TPTE: variants seen among roughly 807,000 people sequenced by gnomAD.
The protein encoded by TPTE is putative tyrosine-protein phosphatase TPTE.
In TPTE, 59 loss-of-function variants were observed where a neutral mutation model predicts 84.1. The observed-to-expected ratio is 0.70, with a 90% CI of 0.57 to 0.87. The LOEUF is 0.87. Among genes scored for constraint, TPTE ranks in the 40% least tolerant of loss-of-function variants. The probability of loss-of-function intolerance (pLI) is 0.00; values close to 1 mark genes in which losing one functional copy is unlikely to be tolerated. For synonymous variants in TPTE, 130 were observed against 223.5 expected, an observed-to-expected ratio of 0.58 and a Z score of 3.73; for missense variants, 382 against 659.6, an observed-to-expected ratio of 0.58 and a Z score of 4.61.
intron 6 of TPTE, 64 bp from the exon 7 acceptor site, chr21:10,543,265 C>G (rs1254850130): frequency 6.5e-7 from 1 of 1,540,338 alleles, no homozygotes; most frequent in Non-Finnish European, 8.8e-7. Flanking sequence ...ATCTCCTGAC[C>G]TCATGATCCA....
chr21:10,565,926 A>T (rs913104141), intron 10 of TPTE, among the ~76,000 whole-genome samples: 2 of 152,310 alleles, frequency 1.3e-5, no homozygotes, highest in African/African-American at 4.8e-5. Flanking sequence ...CATTGGGAAG[A>T]ATCTCCAGGA....
chr21:10,542,563 T>TCCATCCATTCATCCATCCATC (rs1215122253), intron 6 of TPTE, 115 bp downstream of exon 6: 1 of 808,662 alleles, frequency 1.2e-6, no homozygotes, highest in African/African-American at 3.2e-5. Context: ...ATCCATCCAT[T>TCCATCCATTCATCCATCCATC]CATCCATCCA....
intron 17 of TPTE, among the ~76,000 whole-genome samples, chr21:10,589,512 C>T (rs1355904342): frequency 6.6e-6 from 1 of 152,420 alleles, no homozygotes; most frequent in Admixed American, 6.5e-5. Context: ...ATGGGTGCAG[C>T]CAGATAGGGA....
intron 3 of TPTE, among the ~76,000 whole-genome samples, chr21:10,530,599 C>T (rs1206505676): frequency 6.6e-6 from 1 of 152,426 alleles, no homozygotes; most frequent in East Asian, 1.9e-4. Flanking sequence ...CTACCATTTG[C>T]CTTCACAAAG....
At position 10,588,931 on chromosome 21, in the gene TPTE, G is replaced by T. The variant is rs577837429; in HGVS notation, c.1028-1531G>T. On this transcript the variant is annotated intron_variant, in intron 17 of 23. Transcript: ENST00000618007. Reference sequence around the variant, plus strand: ...ATTGATGTAGAAGTTTCTTTTTGTTGATTTCAACCTTGAATCTCATTGAGC... The same window carrying T: ...ATTGATGTAGAAGTTTCTTTTTGTTTATTTCAACCTTGAATCTCATTGAGC... Among the ~76,000 whole-genome samples, 10 of 152,382 alleles carry T rather than the reference G, an allele frequency of 6.6e-5. No individual in the cohort carries two copies. The South Asian group carries it at 1.7e-3, about 25-fold the overall frequency.
chr21:10,542,444 G>T lies in TPTE; in HGVS notation c.115G>T (p.Glu39Ter), dbSNP rs1398151563. 1.2e-6 allele frequency: 2 copies of T among 1,611,366 alleles called. No individual in the cohort carries two copies. The highest frequency in any genetic ancestry group is 1.7e-6 in the Non-Finnish European group (2 of 1,178,178). ...AGCAACCGAGGAGGCACCTGCGAAAGAAAGGTGAGCAATAAATAGTTAAAG... is the reference window on the plus strand; with the variant it reads ...AGCAACCGAGGAGGCACCTGCGAAATAAAGGTGAGCAATAAATAGTTAAAG... ...KGATEEAPAKESPHTSEFKGA... is the reference protein window; with the variant it reads ...KGATEEAPAK The change falls in exon 6 of 24, where the codon GAA (glutamate) becomes TAA (stop). Residue 39 changes from glutamate to a stop codon, truncating the protein, a stop_gained. Coordinates refer to ENST00000618007, the MANE Select transcript of TPTE (RefSeq NM_199261.4). LOFTEE classifies it high-confidence loss of function.
intron 5 of TPTE, 52 bp from the exon 6 acceptor site, chr21:10,542,343 T>G (rs537695399): frequency 1.3e-6 from 2 of 1,599,418 alleles, no homozygotes; most frequent in Middle Eastern, 1.7e-4. Context: ...TTCCAAAATA[T>G]AAATTCAGAA....
chr21:10,605,053 C>G (rs1220246948), intron 23 of TPTE, among the ~76,000 whole-genome samples: 2 of 152,308 alleles, frequency 1.3e-5, no homozygotes, highest in African/African-American at 2.4e-5. Context: ...CAAAAAATTG[C>G]AACCTCACAC....
At chr21:10,591,102 T>C (rs2075466603) in intron 18 of TPTE, among the ~76,000 whole-genome samples, 1 of 152,304 alleles carries the variant, frequency 6.6e-6, no homozygotes, top group Non-Finnish European at 1.5e-5. Context: ...AAAAGCAACA[T>C]TTCACAACTC....
At chr21:10,552,579 T>C (rs576513958) in intron 7 of TPTE, 78 bp from the exon 8 acceptor site, 1 of 1,600,242 alleles carries the variant, frequency 6.2e-7, no homozygotes, top group East Asian at 2.2e-5. Context: ...ATTCTTGCTA[T>C]TCAAATATAT....
At chr21:10,544,220 A>T (rs2074424346) in intron 7 of TPTE, among the ~76,000 whole-genome samples, 2 of 152,310 alleles carry the variant, frequency 1.3e-5, no homozygotes, top group Non-Finnish European at 2.9e-5. Context: ...ATTGTGTTTA[A>T]TCAGTGGCTG....
intron 3 of TPTE, among the ~76,000 whole-genome samples, chr21:10,533,687 G>C (rs1448965849): frequency 6.6e-6 from 1 of 152,310 alleles, no homozygotes; most frequent in Non-Finnish European, 1.5e-5. Flanking sequence ...GACGTAAGCT[G>C]TGTCATTGTC....
chr21:10,532,155 G>C (rs1049474104), intron 3 of TPTE, among the ~76,000 whole-genome samples: 1 of 152,308 alleles, frequency 6.6e-6, no homozygotes, highest in African/African-American at 2.4e-5. Flanking sequence ...GTGGTGTTTG[G>C]GAGAGGGAAG....
chr21:10,580,431 G>C (rs1433998032), intron 17 of TPTE, among the ~76,000 whole-genome samples: 1 of 152,312 alleles, frequency 6.6e-6, no homozygotes, highest in Non-Finnish European at 1.5e-5. Flanking sequence ...TCTTGGCCCA[G>C]ACCAATGTCA....
intron 11 of TPTE, among the ~76,000 whole-genome samples, chr21:10,568,356 C>T (rs113578493): frequency 9.2e-4 from 140 of 151,940 alleles, no homozygotes; most frequent in African/African-American, 3.0e-3. Flanking sequence ...GGAGATGACA[C>T]GTGGCAACAC....
intron 8 of TPTE, among the ~76,000 whole-genome samples, chr21:10,557,525 T>G (rs1600897389): frequency 6.6e-6 from 1 of 152,310 alleles, no homozygotes; most frequent in Admixed American, 6.5e-5. Context: ...AGAGATCTAG[T>G]AGACTGTGTG....
intron 7 of TPTE, among the ~76,000 whole-genome samples, chr21:10,551,786 CTACAA>C (rs2074580942): frequency 6.6e-6 from 1 of 152,310 alleles, no homozygotes; most frequent in Non-Finnish European, 1.5e-5. Context: ...ATGAGCAACT[CTACAA>C]TAAATTTGAA....
At chr21:10,569,010 ATTTGT>A (rs2074983831) in intron 11 of TPTE, among the ~76,000 whole-genome samples, 1 of 152,308 alleles carries the variant, frequency 6.6e-6, no homozygotes, top group Non-Finnish European at 1.5e-5. Context: ...AGAATAATCG[ATTTGT>A]TTTGATGTGG....
At chr21:10,541,080 T>C (rs1395235033) in intron 4 of TPTE, 32 bp from the exon 5 acceptor site, 3 of 1,612,294 alleles carry the variant, frequency 1.9e-6, no homozygotes, top group Non-Finnish European at 2.5e-6. Context: ...AATTACGCAT[T>C]GGGTCTGACT....
Sources: allele counts gnomAD v4.1 joint callset (sites outside exome capture counted in the v4.1 genomes callset), GRCh38; gene constraint gnomAD v4.1.1; transcripts MANE v1.5; gene names NCBI Gene and HGNC (gene_info 2026-07-23, HGNC 2026-07-21).